The following LRRC18 variants were observed in gnomAD, a reference collection of about 807,000 sequenced individuals.
LRRC18 encodes leucine rich repeat containing 18.
A neutral mutation model predicts 11.2 loss-of-function variants in LRRC18; 12 were observed. The ratio of observed to expected loss-of-function variants is 1.07; its 90% confidence interval spans 0.69 to 1.74. The LOEUF (loss-of-function observed/expected upper bound fraction) is 1.74, where lower values mean the gene tolerates loss of function less well. LRRC18 is among the 40% of genes most tolerant of loss of function. The pLI, the probability that LRRC18 is intolerant of heterozygous loss-of-function variation, is 0.00. For synonymous variants in LRRC18, 155 were observed against 130.6 expected, an observed-to-expected ratio of 1.19 and a Z score of -1.27; for missense variants, 374 against 330.5, an observed-to-expected ratio of 1.13 and a Z score of -1.02.
chr10:48,928,115 C>G, the LRRC18 span, among the ~76,000 whole-genome samples: 3 of 152,298 alleles, frequency 2.0e-5, no homozygotes, highest in Admixed American at 6.5e-5. Flanking sequence ...CTCCTCACAG[C>G]TCCTCTCCTC....
At chr10:48,913,454 C>T (rs766550069) in exon 1 of LRRC18, 3 of 1,613,642 alleles carry the variant, frequency 1.9e-6, no homozygotes, top group African/African-American at 1.3e-5. Flanking sequence ...GAAAGATGGT[C>T]TTTCTCGGTG....
chr10:48,923,043 A>T, the LRRC18 span, among the ~76,000 whole-genome samples: 37 of 152,296 alleles, frequency 2.4e-4, no homozygotes, highest in Admixed American at 2.2e-3. Context: ...AAACATTTTT[A>T]AAAAATCGTT....
chr10:48,923,133 G>A, the LRRC18 span, among the ~76,000 whole-genome samples: 3 of 152,064 alleles, frequency 2.0e-5, no homozygotes, highest in Non-Finnish European at 2.9e-5. Context: ...CTTGTCCCAC[G>A]TTGGAAGTCT....
chr10:48,915,159 G>A (rs566329062), upstream of LRRC18, among the ~76,000 whole-genome samples: 3 of 152,162 alleles, frequency 2.0e-5, no homozygotes, highest in South Asian at 6.2e-4. Flanking sequence ...ATGAGGGGGC[G>A]TAAATTATCT....
At chr10:48,936,667 C>T in the LRRC18 span, among the ~76,000 whole-genome samples, 3 of 151,614 alleles carry the variant, frequency 2.0e-5, no homozygotes, top group African/African-American at 7.3e-5. Flanking sequence ...GAAACCCCGT[C>T]TCTACTAAAA....
chr10:48,930,039 C>G, the LRRC18 span, among the ~76,000 whole-genome samples: 18 of 152,158 alleles, frequency 1.2e-4, no homozygotes, highest in African/African-American at 4.3e-4. Flanking sequence ...CCACCTACCC[C>G]AAGACACATG....
the LRRC18 span, among the ~76,000 whole-genome samples, chr10:48,924,858 T>C: frequency 1.6e-4 from 24 of 152,250 alleles, no homozygotes. Context: ...CACTCATGTA[T>C]CTTTGACTAC....
the LRRC18 span, among the ~76,000 whole-genome samples, chr10:48,933,953 G>A: frequency 4.6e-5 from 7 of 152,216 alleles, no homozygotes; most frequent in African/African-American, 1.7e-4. Context: ...CCAAGCACCA[G>A]GCACTAACAA....
the LRRC18 span, among the ~76,000 whole-genome samples, chr10:48,931,955 G>T: frequency 6.6e-6 from 1 of 152,178 alleles, no homozygotes; most frequent in African/African-American, 2.4e-5. Flanking sequence ...TAGTCATGCC[G>T]GCTGTCCCTT....
At chr10:48,930,874 C>T in the LRRC18 span, among the ~76,000 whole-genome samples, 1 of 152,060 alleles carries the variant, frequency 6.6e-6, no homozygotes, top group African/African-American at 2.4e-5. Flanking sequence ...TCCGTGTGAG[C>T]CCTGTGTTCT....
the LRRC18 span, among the ~76,000 whole-genome samples, chr10:48,920,421 A>G: frequency 6.6e-6 from 1 of 152,202 alleles, no homozygotes; most frequent in Admixed American, 6.5e-5. Context: ...ATGTTAAATG[A>G]CGAATTAATG....
chr10:48,916,053 G>A (rs759884260), upstream of LRRC18, among the ~76,000 whole-genome samples: 8 of 152,226 alleles, frequency 5.3e-5, no homozygotes, highest in Non-Finnish European at 1.0e-4. Context: ...ACTCCTGAAA[G>A]CAAGTAAAGC....
chr10:48,928,398 T>TGTGTGTGTGTGTGTG, the LRRC18 span, among the ~76,000 whole-genome samples: 5 of 55,938 alleles, frequency 8.9e-5, no homozygotes, highest in Admixed American at 2.2e-4. Flanking sequence ...GTGTGTGTGT[T>TGTGTGTGTGTGTGTG]GGTGGGGGTT....
At chr10:48,927,327 C>A in the LRRC18 span, among the ~76,000 whole-genome samples, 1 of 152,104 alleles carries the variant, frequency 6.6e-6, no homozygotes, top group African/African-American at 2.4e-5. Flanking sequence ...TTCAGTCATC[C>A]GCAACACTCT....
In LRRC18 at chr10:48,914,086, T is replaced by C. The variant is rs1218661959; in HGVS notation, c.70A>G (p.Ile24Val). The change falls in exon 1 of 2, where the codon ATC becomes GTC. Residue 24 changes from isoleucine to valine, a missense_variant. Physicochemically the swap from Ile to Val is conservative, Grantham distance 29. Coordinates refer to ENST00000374160, the Ensembl canonical transcript of LRRC18. ...AGGCGCTTTTTCCCATCAAAAGTGA[T>C]TTTGATGCAATTCCTGGCCACCTTG... 2.7e-5 allele frequency: 43 copies of C among 1,614,090 alleles called. No homozygotes were observed. The highest frequency in any genetic ancestry group is 3.4e-5 in the Non-Finnish European group (40 of 1,180,036).
At chr10:48,929,794 G>A in the LRRC18 span, among the ~76,000 whole-genome samples, 1,403 of 152,142 alleles carry the variant, frequency 9.2e-3, 20 homozygotes, top group African/African-American at 0.031. Context: ...AGCCTCTTCC[G>A]GCTGGGCTGA....
At chr10:48,930,718 T>C in the LRRC18 span, among the ~76,000 whole-genome samples, 1 of 151,948 alleles carries the variant, frequency 6.6e-6, no homozygotes, top group Admixed American at 6.5e-5. Flanking sequence ...CCCAAATATC[T>C]AACAATAGAT....
chr10:48,910,366 G>GGT (rs2133464331), intron 1 of LRRC18, 108 bp from the exon 4 acceptor site: 1 of 950,742 alleles, frequency 1.1e-6, no homozygotes, highest in East Asian at 2.4e-5. Flanking sequence ...TGACCTTCAG[G>GGT]ATGGTCAGGT....
chr10:48,910,052 G>A (rs1395135640), exon 2 of LRRC18: 1 of 570,856 alleles, frequency 1.8e-6, no homozygotes, highest in Non-Finnish European at 3.1e-6. Context: ...TCACACACAG[G>A]TGGGCTAAAG....
Sources: allele counts gnomAD v4.1 joint callset (sites outside exome capture counted in the v4.1 genomes callset), GRCh38; gene constraint gnomAD v4.1.1; transcripts MANE v1.5; gene names NCBI Gene and HGNC (gene_info 2026-07-23, HGNC 2026-07-21).